The following ZNG1A variants were observed in gnomAD, a reference collection of about 807,000 sequenced individuals.
ZNG1A encodes the protein zinc-regulated GTPase metalloprotein activator 1A.
chr9:143,731 A>G, the ZNG1A span, among the ~76,000 whole-genome samples: 1 of 121,570 alleles, frequency 8.2e-6, no homozygotes, highest in African/African-American at 3.5e-5. Flanking sequence ...AGGGTACTCA[A>G]TTAGGAAAAG....
the ZNG1A span, among the ~76,000 whole-genome samples, chr9:174,828 A>AGTATTGT: frequency 1.3e-5 from 2 of 150,972 alleles, 1 homozygote; most frequent in African/African-American, 4.9e-5. Flanking sequence ...AGATAACAGA[A>AGTATTGT]GTATTGTGTC....
the ZNG1A span, among the ~76,000 whole-genome samples, chr9:168,246 T>TA: frequency 7.1e-6 from 1 of 140,430 alleles, no homozygotes; most frequent in Non-Finnish European, 1.5e-5. Context: ...ACAGACTTAT[T>TA]TTTTATTTAT....
chr9:155,515 A>T, the ZNG1A span, among the ~76,000 whole-genome samples: 1 of 152,112 alleles, frequency 6.6e-6, no homozygotes, highest in African/African-American at 2.4e-5. Flanking sequence ...TATCTCTGTA[A>T]AGAATCCAGT....
chr9:169,502 G>C, the ZNG1A span, among the ~76,000 whole-genome samples: 1 of 145,296 alleles, frequency 6.9e-6, no homozygotes, highest in Non-Finnish European at 1.5e-5. Flanking sequence ...CAGGGTTTGA[G>C]AGGACTGACT....
At chr9:171,379 A>C in the ZNG1A span, among the ~76,000 whole-genome samples, 311 of 152,304 alleles carry the variant, frequency 2.0e-3, no homozygotes, top group Non-Finnish European at 3.6e-3. Context: ...CAGAATAAGC[A>C]CTAACTTTTA....
chr9:172,156 C>G, the ZNG1A span: 1 of 1,611,180 alleles, frequency 6.2e-7, no homozygotes, highest in Non-Finnish European at 8.5e-7. Context: ...TTCTCAATAG[C>G]TCTAAGGCCA....
chr9:142,665 TAGC>T, the ZNG1A span, among the ~76,000 whole-genome samples: 1 of 109,456 alleles, frequency 9.1e-6, no homozygotes, highest in African/African-American at 4.1e-5. Context: ...ATTCAAAAGC[TAGC>T]AGAAGGCAAG....
the ZNG1A span, chr9:147,498 T>C: frequency 3.4e-4 from 43 of 125,454 alleles, no homozygotes; most frequent in African/African-American, 1.6e-3. Flanking sequence ...AGATTACGAA[T>C]GCTTGTCTTG....
chr9:172,372 G>C, the ZNG1A span: 10 of 550,172 alleles, frequency 1.8e-5, no homozygotes, highest in African/African-American at 3.8e-5. Context: ...ATATATAATA[G>C]GTAAAAAGAA....
At chr9:142,909 C>T in the ZNG1A span, among the ~76,000 whole-genome samples, 13 of 80,096 alleles carry the variant, frequency 1.6e-4, 1 homozygote, top group African/African-American at 7.5e-4. Flanking sequence ...GAGAATACTA[C>T]AAACACCTCT....
chr9:149,740 A>C, the ZNG1A span, among the ~76,000 whole-genome samples: 10 of 150,262 alleles, frequency 6.7e-5, 1 homozygote, highest in African/African-American at 2.5e-4. Flanking sequence ...TGTCAAATTA[A>C]TTTAACTTAT....
chr9:163,992 T>A, the ZNG1A span: 1 of 1,596,042 alleles, frequency 6.3e-7, no homozygotes, highest in East Asian at 2.2e-5. Context: ...AAGATAAATA[T>A]CACTCCCTAA....
At chr9:153,794 T>C in the ZNG1A span, 6 of 149,444 alleles carry the variant, frequency 4.0e-5, no homozygotes, top group Admixed American at 4.0e-4. Flanking sequence ...ATATATACTA[T>C]ATGAACTGAG....
chr9:151,331 A>C, the ZNG1A span: 3 of 981,824 alleles, frequency 3.1e-6, no homozygotes, highest in African/African-American at 1.8e-5. Flanking sequence ...ACTTCCAAAG[A>C]AAGAATTTCT....
At chr9:157,545 T>G in the ZNG1A span, among the ~76,000 whole-genome samples, 1 of 141,720 alleles carries the variant, frequency 7.1e-6, no homozygotes, top group Admixed American at 7.2e-5. Context: ...TCATTTAGCT[T>G]TCATAATAAT....
At chr9:148,365 A>G in the ZNG1A span, 1 of 72,836 alleles carries the variant, frequency 1.4e-5, no homozygotes, top group African/African-American at 4.3e-5. Flanking sequence ...ACAATAAAAT[A>G]TCCAAGTCTC....
the ZNG1A span, among the ~76,000 whole-genome samples, chr9:137,606 G>C: frequency 5.9e-5 from 9 of 151,392 alleles, no homozygotes; most frequent in African/African-American, 1.9e-4. Flanking sequence ...AAGGATCATC[G>C]AGAGAAAAGT....
At chr9:145,642 T>C in the ZNG1A span, among the ~76,000 whole-genome samples, 3 of 151,454 alleles carry the variant, frequency 2.0e-5, no homozygotes, top group Non-Finnish European at 4.4e-5. Flanking sequence ...GGCACATGTA[T>C]ACATATGTAA....
the ZNG1A span, chr9:147,543 A>G: frequency 1.5e-5 from 2 of 135,392 alleles, no homozygotes; most frequent in Non-Finnish European, 3.0e-5. Context: ...TTATTACTCC[A>G]AAGTTCTATG....
Sources: gnomAD v4.1 joint callset for allele counts (sites outside exome capture counted in the v4.1 genomes callset) on GRCh38, gnomAD v4.1.1 for gene constraint, MANE v1.5 for transcripts, NCBI Gene and HGNC (gene_info 2026-07-23, HGNC 2026-07-21) for gene names.